The following SAMMSON variants were observed in gnomAD, a reference collection of about 807,000 sequenced individuals.
The protein encoded by SAMMSON is survival associated mitochondrial melanoma specific oncogenic non-coding RNA, also known as long intergenic non-protein coding RNA 1212.
rs140194274 is a variant in SAMMSON, at chr3:70,260,931, T to C, written n.674+11261T>C. On this transcript the variant is annotated intron_variant and non_coding_transcript_variant, in intron 6 of 9. Coordinates refer to ENST00000642114, the Ensembl canonical transcript of SAMMSON. ...ATATACTTCTAGCTGATGGAGAAAC[T>C]GAGTCCAGGGAAGATAAGTGATTTT... 9.2e-5 allele frequency among the ~76,000 whole-genome samples: 14 copies of C among 152,260 alleles called. No individual in the cohort carries two copies. The East Asian group carries it at 2.5e-3, about 27-fold the overall frequency.
chr3:70,344,312 G>T (rs1702733469), intron 7 of SAMMSON, among the ~76,000 whole-genome samples: 1 of 152,096 alleles, frequency 6.6e-6, no homozygotes, highest in Admixed American at 6.5e-5. Flanking sequence ...GAGAAAGAGA[G>T]AAGAGAAGGA....
At chr3:70,042,188 T>C (rs2067108811) in intron 3 of SAMMSON, among the ~76,000 whole-genome samples, 1 of 152,080 alleles carries the variant, frequency 6.6e-6, no homozygotes, top group African/African-American at 2.4e-5. Flanking sequence ...TGAGTATCTA[T>C]GTTTTTGAAG....
At chr3:70,016,990 C>T (rs985455835) in intron 3 of SAMMSON, among the ~76,000 whole-genome samples, 11 of 152,160 alleles carry the variant, frequency 7.2e-5, no homozygotes, top group South Asian at 2.1e-4. Context: ...GTTACTGTAG[C>T]CTTGTAGCAT....
At chr3:70,164,266 CCA>C (rs913605075) in intron 4 of SAMMSON, among the ~76,000 whole-genome samples, 31 of 152,058 alleles carry the variant, frequency 2.0e-4, no homozygotes, top group African/African-American at 7.0e-4. Context: ...TTTTTCTGAA[CCA>C]CAGTTTCCTC....
chr3:70,399,349 C>T (rs537991569), intron 2 of SAMMSON, among the ~76,000 whole-genome samples: 2 of 152,192 alleles, frequency 1.3e-5, no homozygotes, highest in Non-Finnish European at 2.9e-5. Context: ...AGAGGTGGGT[C>T]ACAAAAGTAT....
intron 4 of SAMMSON, chr3:70,196,996 A>G (rs1017216693): frequency 7.5e-6 from 3 of 398,586 alleles, no homozygotes; most frequent in Non-Finnish European, 8.8e-6. Context: ...GCAAGATTCA[A>G]AAAGGCTGCA....
intron 2 of SAMMSON, among the ~76,000 whole-genome samples, chr3:70,428,800 G>A (rs772240359): frequency 6.6e-6 from 1 of 152,098 alleles, no homozygotes; most frequent in Non-Finnish European, 1.5e-5. Context: ...TGTCTATCTT[G>A]AAGCCAATTC....
chr3:70,428,380 G>T (rs183747171), intron 2 of SAMMSON, among the ~76,000 whole-genome samples: 1 of 152,290 alleles, frequency 6.6e-6, no homozygotes, highest in East Asian at 1.9e-4. Context: ...TTGGCTTCAA[G>T]ATAGACATGT....
chr3:70,336,549 G>A (rs548562157), intron 7 of SAMMSON, among the ~76,000 whole-genome samples: 22 of 151,964 alleles, frequency 1.4e-4, no homozygotes, highest in Admixed American at 5.9e-4. Context: ...AAAGTCAAGC[G>A]TCAGGAAACT....
At chr3:70,387,630 A>T (rs1703133001) in intron 9 of SAMMSON, among the ~76,000 whole-genome samples, 2 of 152,108 alleles carry the variant, frequency 1.3e-5, no homozygotes, top group Admixed American at 1.3e-4. Context: ...ATGCTGTTGA[A>T]TTTGAGTTAA....
intron 7 of SAMMSON, among the ~76,000 whole-genome samples, chr3:70,301,631 C>T (rs923337790): frequency 5.3e-5 from 8 of 152,018 alleles, no homozygotes; most frequent in South Asian, 2.1e-4. Flanking sequence ...TATCAATCTG[C>T]GTTTGCACAT....
intron 4 of SAMMSON, among the ~76,000 whole-genome samples, chr3:70,143,867 C>T (rs992741411): frequency 3.3e-5 from 5 of 152,102 alleles, no homozygotes; most frequent in African/African-American, 9.7e-5. Context: ...TTCTGCTGTC[C>T]TGCCAGGACA....
intron 3 of SAMMSON, among the ~76,000 whole-genome samples, chr3:70,057,393 G>C (rs2067171932): frequency 6.6e-6 from 1 of 151,618 alleles, no homozygotes; most frequent in South Asian, 2.1e-4. Flanking sequence ...TTAAATTTTG[G>C]ATTATTCTCG....
intron 7 of SAMMSON, among the ~76,000 whole-genome samples, chr3:70,338,426 A>C (rs144076068): frequency 1.8e-3 from 270 of 152,268 alleles, no homozygotes; most frequent in African/African-American, 6.2e-3. Context: ...AGAAAGAAAT[A>C]AAGGGTATTC....
intron 3 of SAMMSON, among the ~76,000 whole-genome samples, chr3:70,059,915 A>C (rs2107591536): frequency 6.6e-6 from 1 of 152,282 alleles, no homozygotes; most frequent in East Asian, 1.9e-4. Context: ...AAAAAGTTGA[A>C]GAAGACAGAC....
At chr3:70,093,170 C>T (rs1171723070) in intron 4 of SAMMSON, among the ~76,000 whole-genome samples, 1 of 152,138 alleles carries the variant, frequency 6.6e-6, no homozygotes, top group African/African-American at 2.4e-5. Context: ...AATGTTCTTG[C>T]CTTCTTCTCT....
At chr3:70,346,357 C>T (rs1169076343) in intron 7 of SAMMSON, among the ~76,000 whole-genome samples, 3 of 149,426 alleles carry the variant, frequency 2.0e-5, no homozygotes, top group Non-Finnish European at 4.4e-5. Context: ...AAACTCATCA[C>T]CCAACCCAGG....
chr3:70,127,370 C>T (rs2067463346), intron 4 of SAMMSON: 1 of 152,132 alleles, frequency 6.6e-6, no homozygotes, highest in African/African-American at 2.4e-5. Context: ...TTATCAGGGT[C>T]AGGATCATAA....
chr3:70,012,137 T>C (rs2066958936), intron 1 of SAMMSON, among the ~76,000 whole-genome samples: 1 of 152,088 alleles, frequency 6.6e-6, no homozygotes, highest in African/African-American at 2.4e-5. Flanking sequence ...ACTGAAATCA[T>C]GAAGCTTGAA....
Sources: allele counts gnomAD v4.1 joint callset (sites outside exome capture counted in the v4.1 genomes callset), GRCh38; gene constraint gnomAD v4.1.1; transcripts MANE v1.5; gene names NCBI Gene and HGNC (gene_info 2026-07-23, HGNC 2026-07-21).